The following PANX1 variants were observed in gnomAD, a reference collection of about 807,000 sequenced individuals.
The protein encoded by PANX1 is pannexin 1.
Under a neutral mutation model 38.7 loss-of-function variants are expected in PANX1, and 30 were observed. The observed-to-expected ratio is 0.78, with a 90% CI of 0.58 to 1.05. The LOEUF (loss-of-function observed/expected upper bound fraction) is 1.05, where lower values mean the gene tolerates loss of function less well. Ranked by LOEUF, PANX1 falls within the 50% of genes least tolerant of loss-of-function variation. The pLI is 0.00. For synonymous variants in PANX1, 230 were observed against 212.2 expected (o/e 1.08, Z -0.73); for missense variants, 551 against 517.2 (o/e 1.07, Z -0.63).
At chr11:94,140,748 G>T (rs115042519) in intron 1 of PANX1, among the ~76,000 whole-genome samples, 110 of 152,224 alleles carry the variant, frequency 7.2e-4, no homozygotes, top group African/African-American at 2.6e-3. Flanking sequence ...GAATTCCAAA[G>T]AGATTTTGTT....
At chr11:94,152,914 C>G (rs965036390) in intron 1 of PANX1, among the ~76,000 whole-genome samples, 9 of 152,148 alleles carry the variant, frequency 5.9e-5, no homozygotes, top group Non-Finnish European at 5.9e-5. Flanking sequence ...GAGCGTTTCC[C>G]TTCCAAATGT....
intron 2 of PANX1, among the ~76,000 whole-genome samples, chr11:94,160,242 T>C (rs1008264002): frequency 6.6e-6 from 1 of 152,228 alleles, no homozygotes; most frequent in Non-Finnish European, 1.5e-5. Context: ...GTCTATTAAG[T>C]CTGCTTGATG....
At chr11:94,172,260 G>C (rs4753546) in intron 2 of PANX1, among the ~76,000 whole-genome samples, 1 of 151,024 alleles carries the variant, frequency 6.6e-6, no homozygotes, top group Non-Finnish European at 1.5e-5. Context: ...AGGAGATTCT[G>C]ATGTGAGCCC....
chr11:94,133,162 G>A (rs563006954), intron 1 of PANX1, among the ~76,000 whole-genome samples: 31 of 152,340 alleles, frequency 2.0e-4, no homozygotes, highest in African/African-American at 4.6e-4. Flanking sequence ...CAGGTGAAGC[G>A]TCCACTCCTC....
intron 1 of PANX1, among the ~76,000 whole-genome samples, chr11:94,140,460 AT>A (rs1328467066): frequency 2.0e-5 from 3 of 152,128 alleles, no homozygotes; most frequent in Non-Finnish European, 2.9e-5. Flanking sequence ...CAGTTTGCTC[AT>A]TTATCTTTAA....
At chr11:94,176,921 A>G (rs889499181) in intron 2 of PANX1, among the ~76,000 whole-genome samples, 18 of 151,620 alleles carry the variant, frequency 1.2e-4, no homozygotes, top group Admixed American at 5.2e-4. Flanking sequence ...AGTCCCTGCC[A>G]GGGTTGCTGT....
At chr11:94,173,339 T>G (rs1947190062) in intron 2 of PANX1, among the ~76,000 whole-genome samples, 1 of 151,694 alleles carries the variant, frequency 6.6e-6, no homozygotes, top group Non-Finnish European at 1.5e-5. Flanking sequence ...CAGTTGGCTT[T>G]GACCACATAT....
intron 2 of PANX1, among the ~76,000 whole-genome samples, chr11:94,170,189 T>G (rs1591523500): frequency 6.6e-6 from 1 of 151,668 alleles, no homozygotes; most frequent in African/African-American, 2.4e-5. Context: ...AACTGAGACC[T>G]GCATCCATTA....
In PANX1 at chr11:94,178,512, G is replaced by T; in HGVS notation, c.465G>T (p.Lys155Asn). 1.9e-6 allele frequency: 3 copies of T among 1,614,112 alleles called. No homozygotes were observed. The African/African-American group carries it at 4.0e-5, about 22-fold the overall frequency. Residue 155 changes from lysine to asparagine, a missense_variant, in exon 3 of 5, where the codon AAG becomes AAT. Lys to Asn is a moderately conservative substitution (Grantham distance 94, BLOSUM62 0). Coordinates refer to ENST00000227638, the MANE Select transcript of PANX1 (RefSeq NM_015368.4). Reference sequence around the variant, plus strand: ...ACAAAGTTTACAACCGTGCAATTAAGGCTGCAAAGAGTGCGCGTGACCTTG... The same window carrying T: ...ACAAAGTTTACAACCGTGCAATTAATGCTGCAAAGAGTGCGCGTGACCTTG... ...ELDKVYNRAIKAAKSARDLDM... is the reference protein window; with the variant it reads ...ELDKVYNRAINAAKSARDLDM...
chr11:94,129,556 T>C (rs1187425833), intron 1 of PANX1, 63 bp downstream of exon 1: 2 of 1,452,074 alleles, frequency 1.4e-6, no homozygotes, highest in African/African-American at 2.8e-5. Flanking sequence ...GCTGCGATTT[T>C]ACGGCTCACA....
At chr11:94,171,470 C>T (rs1225445094) in intron 2 of PANX1, among the ~76,000 whole-genome samples, 1 of 151,624 alleles carries the variant, frequency 6.6e-6, no homozygotes, top group Non-Finnish European at 1.5e-5. Context: ...TGAGACAATG[C>T]GTAGTCCATA....
At chr11:94,132,476 CAT>C (rs1437653104) in intron 1 of PANX1, among the ~76,000 whole-genome samples, 3 of 152,142 alleles carry the variant, frequency 2.0e-5, no homozygotes, top group African/African-American at 7.2e-5. Flanking sequence ...TGTGAGACAA[CAT>C]GTGGCTGCTG....
chr11:94,143,147 T>TTG (rs1373540319), intron 1 of PANX1, among the ~76,000 whole-genome samples: 2 of 152,244 alleles, frequency 1.3e-5, no homozygotes, highest in African/African-American at 4.8e-5. Context: ...GGCCTTGTCC[T>TTG]ACACAAAAGG....
chr11:94,145,820 T>G (rs1485886443), intron 1 of PANX1, among the ~76,000 whole-genome samples: 1 of 152,198 alleles, frequency 6.6e-6, no homozygotes, highest in African/African-American at 2.4e-5. Flanking sequence ...GGAGCCAGGA[T>G]TCTCACTGTG....
At chr11:94,156,657 T>G (rs757440991) in intron 2 of PANX1, among the ~76,000 whole-genome samples, 5 of 152,066 alleles carry the variant, frequency 3.3e-5, no homozygotes, top group African/African-American at 4.8e-5. Context: ...AAATCCTTTC[T>G]GGAGGATTTT....
At chr11:94,160,899 A>G (rs978648538) in intron 2 of PANX1, among the ~76,000 whole-genome samples, 1 of 151,884 alleles carries the variant, frequency 6.6e-6, no homozygotes, top group Non-Finnish European at 1.5e-5. Flanking sequence ...TTCCTTCAGG[A>G]GCTCTTTTAG....
intron 2 of PANX1, among the ~76,000 whole-genome samples, chr11:94,177,364 T>C (rs575385223): frequency 6.6e-6 from 1 of 151,432 alleles, no homozygotes; most frequent in African/African-American, 2.4e-5. Context: ...TATTGCTGAT[T>C]AGAAGATCAC....
At chr11:94,161,480 A>G (rs111878860) in intron 2 of PANX1, among the ~76,000 whole-genome samples, 20 of 152,268 alleles carry the variant, frequency 1.3e-4, no homozygotes, top group African/African-American at 4.8e-4. Flanking sequence ...TTGATCTTCC[A>G]TCACTGATAC....
At chr11:94,163,412 T>A (rs1315224258) in intron 2 of PANX1, among the ~76,000 whole-genome samples, 2 of 152,206 alleles carry the variant, frequency 1.3e-5, no homozygotes, top group African/African-American at 4.8e-5. Context: ...GTACTCAGTT[T>A]GTTCAGGGTT....
Sources: allele counts gnomAD v4.1 joint callset (sites outside exome capture counted in the v4.1 genomes callset), GRCh38; gene constraint gnomAD v4.1.1; transcripts MANE v1.5; gene names NCBI Gene and HGNC (gene_info 2026-07-23, HGNC 2026-07-21).